OXCT1: variants seen among roughly 807,000 people sequenced by gnomAD.
OXCT1 encodes the protein succinyl-CoA:3-ketoacid coenzyme A transferase 1, mitochondrial.
A neutral mutation model predicts 69.6 loss-of-function variants in OXCT1; 27 were observed. The observed-to-expected ratio is 0.39, with a 90% CI of 0.29 to 0.54. The LOEUF (loss-of-function observed/expected upper bound fraction) is 0.54. OXCT1 is among the 20% of genes least tolerant of loss of function. The pLI, the probability that OXCT1 is intolerant of heterozygous loss-of-function variation, is 0.72. For missense variants in OXCT1, 437 were observed against 650.2 expected (o/e 0.67, Z 3.57); for synonymous variants, 202 against 217.8 (o/e 0.93, Z 0.64).
Position 41,840,467 on chromosome 5 carries a change from T to C in OXCT1, c.716A>G (p.Glu239Gly). Residue 239 changes from glutamate (E) to glycine (G), a missense_variant, in exon 7 of 17, where the codon GAA becomes GGA. By Grantham distance (98) the Glu-to-Gly change is moderately conservative. Around this residue, in one of 4 missense-constraint regions of OXCT1, gnomAD observed 252 missense variants for 397.4 expected, o/e 0.63. Transcript: ENST00000196371. Reference protein sequence around the residue: ...NFNLPMCKAAETTVVEVEEIV... With the variant: ...NFNLPMCKAAGTTVVEVEEIV... ...ACCTCTTACCTCTACCACTGTGGTT[T>C]CTGCAGCTTTGCACATTGGCAAGTT... The C allele has an allele frequency of 6.2e-7, 1 of 1,613,038 alleles. No homozygotes were observed. The highest frequency in any genetic ancestry group is 8.5e-7 in the Non-Finnish European group (1 of 1,179,122).
intron 3 of OXCT1, among the ~76,000 whole-genome samples, chr5:41,853,941 T>G (rs1749311173): frequency 6.6e-6 from 1 of 152,214 alleles, no homozygotes; most frequent in Admixed American, 6.5e-5. Flanking sequence ...GAATTGGTTC[T>G]TGTCCTATGC....
chr5:41,754,489 C>T (rs557979044), intron 14 of OXCT1, among the ~76,000 whole-genome samples: 2 of 152,114 alleles, frequency 1.3e-5, no homozygotes, highest in South Asian at 4.1e-4. Context: ...TTATTTCACA[C>T]CATATGCCTA....
At chr5:41,737,782 A>G (rs1016429995) in intron 16 of OXCT1, among the ~76,000 whole-genome samples, 7 of 152,194 alleles carry the variant, frequency 4.6e-5, no homozygotes, top group African/African-American at 1.4e-4. Context: ...TAGGCCGGGC[A>G]CGGTGGCTCA....
intron 13 of OXCT1, 71 bp downstream of exon 13, chr5:41,793,932 C>A (rs958931262): frequency 6.7e-6 from 6 of 897,418 alleles, no homozygotes; most frequent in Non-Finnish European, 1.1e-5. Context: ...ATCTCATGGC[C>A]CTTTTTCTTA....
chr5:41,817,203 G>T (rs1437712460), intron 7 of OXCT1, among the ~76,000 whole-genome samples: 1 of 152,006 alleles, frequency 6.6e-6, no homozygotes, highest in Non-Finnish European at 1.5e-5. Flanking sequence ...TGATTCTAAT[G>T]CCATGTATTT....
intron 16 of OXCT1, among the ~76,000 whole-genome samples, chr5:41,734,323 T>C (rs556785556): frequency 6.6e-6 from 1 of 152,176 alleles, no homozygotes; most frequent in Non-Finnish European, 1.5e-5. Flanking sequence ...GTTAAGAAGA[T>C]AAAATCAAAG....
rs77891929 is a variant in OXCT1 at position 41,750,412 on chromosome 5, T to C, written c.1339-805A>G. Reference sequence around the variant, plus strand: ...ATGTCTGAGGAACACAGTTGAAACATTGGCTCTGAGGATCTGATCTTCAGA... The same window carrying C: ...ATGTCTGAGGAACACAGTTGAAACACTGGCTCTGAGGATCTGATCTTCAGA... On this transcript the variant is annotated intron_variant, in intron 14 of 16. Coordinates refer to ENST00000196371, the MANE Select transcript of OXCT1 (RefSeq NM_000436.4). Among the ~76,000 whole-genome samples, 922 of 152,128 alleles carry C rather than the reference T, an allele frequency of 6.1e-3. 9 individuals carry two copies. Among genetic ancestry groups the C allele is most frequent in the African/African-American group, 0.021 (854 of 41,534 alleles).
chr5:41,838,625 ATT>A (rs113782574), intron 7 of OXCT1, among the ~76,000 whole-genome samples: 332 of 141,052 alleles, frequency 2.4e-3, no homozygotes, highest in African/African-American at 7.3e-3. Context: ...TTCTCAGTCA[ATT>A]TTTTTTTTTT....
rs1353698685 is a variant in OXCT1 at position 41,807,424 on chromosome 5, C to T, written c.747G>A (p.Val249=). ...CTTCTGGAGCAAATGCTCCAATATC[C>T]ACAATTTCTTCAACCTAGACAAAGA... is the stretch of plus-strand genomic sequence containing the variant. The part of the protein sequence containing the change: ...ETTVVEVEEI[V]DIGAFAPEDI... The change falls in exon 8 of 17, where the codon GTG becomes GTA. Residue 249 remains valine, a synonymous_variant. Transcript: ENST00000196371. The T allele has an allele frequency of 6.9e-6, 11 of 1,592,890 alleles. No homozygotes were observed. The highest frequency in any genetic ancestry group is 2.2e-5 in the East Asian group (1 of 44,762).
At chr5:41,857,531 G>T (rs1749488886) in intron 3 of OXCT1, among the ~76,000 whole-genome samples, 1 of 152,174 alleles carries the variant, frequency 6.6e-6, no homozygotes, top group African/African-American at 2.4e-5. Context: ...TTCACCCAAT[G>T]GGAGGCACCA....
At chr5:41,852,582 T>C (rs935270982) in intron 4 of OXCT1, among the ~76,000 whole-genome samples, 2 of 152,198 alleles carry the variant, frequency 1.3e-5, no homozygotes, top group Non-Finnish European at 2.9e-5. Flanking sequence ...TCCAATTAGT[T>C]AAGAGATGAC....
rs528271926 is a variant in OXCT1, at chr5:41,844,233, G to A, written c.565-1452C>T. Among the ~76,000 whole-genome samples, 40 of 152,236 alleles carry A rather than the reference G, an allele frequency of 2.6e-4. No homozygotes were observed. The South Asian group carries it at 6.8e-3, about 26-fold the overall frequency. ...CTCACTTGAAAGAATTCTACATTTC[G>A]TAGTCACCACTTCCTCACTTTTTGG... On this transcript the variant is annotated intron_variant, in intron 5 of 16. Transcript: ENST00000196371.
At chr5:41,803,013 T>G in intron 10 of OXCT1, 56 bp downstream of exon 10, 1 of 1,238,510 alleles carries the variant, frequency 8.1e-7, no homozygotes, top group Non-Finnish European at 1.2e-6. Flanking sequence ...TTTCACAACA[T>G]GAAATATCTC....
chr5:41,762,215 A>G lies in OXCT1; in HGVS notation c.1249-15T>C. 55 of 1,574,416 alleles carry G rather than the reference A, an allele frequency of 3.5e-5. No individual in the cohort carries two copies. The highest frequency in any genetic ancestry group is 4.7e-5 in the Non-Finnish European group (54 of 1,143,904). On this transcript the variant is annotated splice_polypyrimidine_tract_variant and intron_variant, in intron 13 of 16. Coordinates refer to ENST00000196371, the MANE Select transcript of OXCT1 (RefSeq NM_000436.4). This position sits in a 1 kb window ranked among gnomAD's most constrained non-coding sequence, Gnocchi z 4.0. Reference sequence around the variant, plus strand: ...ACCATCTTCCCCTGCAAAACAAAAAATAAATAGCTCTGTATCTTTCACTTC... The same window carrying G: ...ACCATCTTCCCCTGCAAAACAAAAAGTAAATAGCTCTGTATCTTTCACTTC...
In OXCT1 at chr5:41,870,199, G is replaced by T; in HGVS notation, c.78+82C>A. The stretch of plus-strand genomic sequence containing the variant: ...CCCAGGCTGGAGAGAGCGGGTAGGG[G>T]CAGAGAAGAAAACGCGGGCACCACT... On this transcript the variant is annotated intron_variant, in intron 1 of 16. Coordinates refer to ENST00000196371, the MANE Select transcript of OXCT1 (RefSeq NM_000436.4). This position sits in a 1 kb window ranked among gnomAD's most constrained non-coding sequence, Gnocchi z 4.2. 1.9e-6 allele frequency: 2 copies of T among 1,059,328 alleles called. No individual in the cohort carries two copies. The highest frequency in any genetic ancestry group is 2.9e-6 in the Non-Finnish European group (2 of 684,210). 65.6% of individuals were successfully genotyped at this position (1,059,328 alleles called of 1,614,324 possible). A position where few individuals can be genotyped will look rare whatever the true frequency, so the allele number is the denominator to read the frequency against.
chr5:41,819,967 CA>C (rs1027255500), intron 7 of OXCT1, among the ~76,000 whole-genome samples: 3 of 152,004 alleles, frequency 2.0e-5, no homozygotes, highest in Non-Finnish European at 4.4e-5. Flanking sequence ...GTCAAGCAGC[CA>C]GGAGGATTCT....
chr5:41,765,926 C>G (rs188975603), intron 13 of OXCT1, among the ~76,000 whole-genome samples: 2 of 152,128 alleles, frequency 1.3e-5, no homozygotes, highest in East Asian at 3.9e-4. Context: ...GAACAAGAAG[C>G]TGATAAAATG....
intron 1 of OXCT1, among the ~76,000 whole-genome samples, chr5:41,866,462 CA>C (rs1196696022): frequency 6.6e-6 from 1 of 152,076 alleles, no homozygotes; most frequent in Non-Finnish European, 1.5e-5. Context: ...GTTTGAGAAA[CA>C]AAAGTGGGGA....
chr5:41,777,637 T>A (rs1347103794), intron 13 of OXCT1, among the ~76,000 whole-genome samples: 1 of 152,220 alleles, frequency 6.6e-6, no homozygotes, highest in African/African-American at 2.4e-5. Context: ...ATTAATTTTG[T>A]TAAGAAGCAC....
Sources: allele counts gnomAD v4.1 joint callset (sites outside exome capture counted in the v4.1 genomes callset), GRCh38; gene constraint gnomAD v4.1.1; regional missense constraint gnomAD v4.1.1; non-coding constraint Gnocchi (gnomAD v3.1); transcripts MANE v1.5; gene names NCBI Gene and HGNC (gene_info 2026-07-23, HGNC 2026-07-21).